LRRFIP1: variants seen among roughly 807,000 people sequenced by gnomAD.
LRRFIP1 encodes the protein leucine-rich repeat flightless-interacting protein 1.
In LRRFIP1, 62 loss-of-function variants were observed where a neutral mutation model predicts 104.4. That is an observed-to-expected ratio of 0.59 (90% CI 0.48 to 0.73). The LOEUF (loss-of-function observed/expected upper bound fraction) is 0.73, where lower values mean the gene tolerates loss of function less well. Ranked by LOEUF, LRRFIP1 falls within the 30% of genes least tolerant of loss-of-function variation. The probability of loss-of-function intolerance (pLI) is 0.00; values close to 1 mark genes in which losing one functional copy is unlikely to be tolerated. For missense variants in LRRFIP1, 796 were observed against 824.5 expected, an observed-to-expected ratio of 0.97 and a Z score of 0.42; for synonymous variants, 300 against 299.0, an observed-to-expected ratio of 1.00 and a Z score of -0.03.
intron 18 of LRRFIP1, among the ~76,000 whole-genome samples, chr2:237,759,195 T>G (rs1395465099): frequency 2.0e-5 from 3 of 152,176 alleles, no homozygotes; most frequent in Non-Finnish European, 2.9e-5. Context: ...GAACAGTGAC[T>G]TGGGTAAGTG....
intron 22 of LRRFIP1, 37 bp downstream of exon 22, chr2:237,772,982 A>G (rs763219177): frequency 7.8e-6 from 12 of 1,533,468 alleles, no homozygotes; most frequent in Non-Finnish European, 1.1e-5. Flanking sequence ...CTGATGATTG[A>G]CTGGAGTTTT....
chr2:237,750,362 GTT>G (rs2058464267), intron 13 of LRRFIP1, among the ~76,000 whole-genome samples: 1 of 77,082 alleles, frequency 1.3e-5, no homozygotes, highest in Non-Finnish European at 2.4e-5. Context: ...GGAGACAAGA[GTT>G]TTGCTTTTGT....
intron 8 of LRRFIP1, among the ~76,000 whole-genome samples, chr2:237,732,643 G>T (rs2095060961): frequency 6.6e-6 from 1 of 152,222 alleles, no homozygotes; most frequent in Middle Eastern, 3.2e-3. Flanking sequence ...TAAGGAAAAG[G>T]AGGGTTTTAT....
chr2:237,635,914 T>C (rs897429898), intron 1 of LRRFIP1, among the ~76,000 whole-genome samples: 5 of 152,038 alleles, frequency 3.3e-5, no homozygotes, highest in Non-Finnish European at 7.4e-5. Flanking sequence ...CTGGGCAACA[T>C]GGTGAAATCC....
In LRRFIP1 at chr2:237,758,732, T is replaced by C. The variant is rs1222459898; in HGVS notation, c.1228T>C (p.Leu410=). Residue 410 remains leucine, a synonymous_variant, in exon 18 of 24, where the codon TTA becomes CTA. Coordinates refer to ENST00000308482, the MANE Select transcript of LRRFIP1 (RefSeq NM_001137550.2). The part of the protein sequence containing the change: ...IEWKDKKIGA[L]ERQKEFFDSV... ...CTTGGCTCTGCTGCACACTCAGGCA[T>C]TAGAGAGGCAGAAAGAGTTCTTTGA... The C allele has an allele frequency of 6.2e-7, 1 of 1,609,010 alleles. No individual in the cohort carries two copies. The highest frequency in any genetic ancestry group is 1.7e-5 in the Admixed American group (1 of 59,690).
chr2:237,779,288 A>G (rs2061353071), intron 23 of LRRFIP1, 134 bp from the exon 24 acceptor site: 3 of 1,342,006 alleles, frequency 2.2e-6, no homozygotes, highest in Non-Finnish European at 2.9e-6. Context: ...CAGAGGAGGA[A>G]GGGCATCATG....
chr2:237,768,000 T>C (rs1380300908), intron 19 of LRRFIP1, among the ~76,000 whole-genome samples: 9 of 152,192 alleles, frequency 5.9e-5, no homozygotes, highest in Non-Finnish European at 2.9e-5. Flanking sequence ...CTGCCTCTCT[T>C]AAATATTTTT....
At position 237,744,310 on chromosome 2, in the gene LRRFIP1, C is replaced by T. The variant is rs1190953590; in HGVS notation, c.634-4054C>T. On this transcript the variant is annotated intron_variant, in intron 11 of 23. Transcript: ENST00000308482. ...GAAGGACCTCGCAAGGATGTTGCTT[C>T]GGTGATCCCTTTTTCCATCCAAGTC... is the stretch of plus-strand genomic sequence containing the variant. Among the ~76,000 whole-genome samples the T allele has an allele frequency of 2.0e-5, 3 of 152,196 alleles. No homozygotes were observed. In the East Asian group the frequency reaches 5.8e-4, roughly 29 times the overall value.
intron 1 of LRRFIP1, among the ~76,000 whole-genome samples, chr2:237,645,301 A>G (rs1342328514): frequency 1.3e-5 from 2 of 152,238 alleles, no homozygotes; most frequent in Non-Finnish European, 2.9e-5. Context: ...ACTTGAGAGC[A>G]GGGACTGGGA....
At chr2:237,641,750 T>G (rs2084012457) in intron 1 of LRRFIP1, among the ~76,000 whole-genome samples, 1 of 152,230 alleles carries the variant, frequency 6.6e-6, no homozygotes, top group Non-Finnish European at 1.5e-5. Flanking sequence ...TAAATATGAT[T>G]TTTAAAAATA....
At chr2:237,769,640 T>C (rs1004097584) in intron 19 of LRRFIP1, 1 of 341,730 alleles carries the variant, frequency 2.9e-6, no homozygotes, top group Non-Finnish European at 5.5e-6. Context: ...TGAGATCTTG[T>C]GTTGCAGCGT....
chr2:237,628,160 G>A (rs1342540435), intron 1 of LRRFIP1, among the ~76,000 whole-genome samples: 1 of 152,226 alleles, frequency 6.6e-6, no homozygotes, highest in Non-Finnish European at 1.5e-5. Flanking sequence ...GTGGACGGTC[G>A]CCGGAGGCCA....
At chr2:237,662,064 A>G (rs1265336822) in intron 1 of LRRFIP1, among the ~76,000 whole-genome samples, 4 of 152,160 alleles carry the variant, frequency 2.6e-5, no homozygotes, top group Non-Finnish European at 5.9e-5. Flanking sequence ...AAGTCGAGGT[A>G]TTGGGCCAGG....
At chr2:237,733,250 C>G (rs1401997787) in intron 8 of LRRFIP1, among the ~76,000 whole-genome samples, 1 of 152,234 alleles carries the variant, frequency 6.6e-6, no homozygotes, top group Non-Finnish European at 1.5e-5. Context: ...GACCGCGGCT[C>G]CTCTGGGGGT....
intron 1 of LRRFIP1, among the ~76,000 whole-genome samples, chr2:237,655,436 T>C (rs963279735): frequency 1.4e-5 from 2 of 145,514 alleles, no homozygotes; most frequent in East Asian, 4.3e-4. Context: ...TGGAAAGAAT[T>C]TGCATTTATA....
At chr2:237,692,549 C>A in intron 1 of LRRFIP1, 1 of 1,496,732 alleles carries the variant, frequency 6.7e-7, no homozygotes, top group Non-Finnish European at 9.0e-7. Context: ...CCGAAACTTT[C>A]TTTCGTGACT....
intron 1 of LRRFIP1, 76 bp from the exon 2 acceptor site, chr2:237,708,468 G>A (rs1055468367): frequency 3.5e-5 from 37 of 1,065,670 alleles, no homozygotes; most frequent in Admixed American, 1.1e-4. Context: ...TTTTCTTTCC[G>A]CATCATCACT....
At chr2:237,776,128 T>C (rs1001024684) in intron 23 of LRRFIP1, among the ~76,000 whole-genome samples, 16 of 152,078 alleles carry the variant, frequency 1.1e-4, no homozygotes, top group Admixed American at 2.0e-4. Flanking sequence ...GCCTGGCTAA[T>C]TTTTGTGTTT....
At chr2:237,692,575 G>A (rs2092883884) in intron 1 of LRRFIP1, 1 of 1,467,722 alleles carries the variant, frequency 6.8e-7, no homozygotes. Flanking sequence ...GGGGTTTCAG[G>A]GGCTTCCAGC....
Sources: allele counts gnomAD v4.1 joint callset (sites outside exome capture counted in the v4.1 genomes callset), GRCh38; gene constraint gnomAD v4.1.1; transcripts MANE v1.5; gene names NCBI Gene and HGNC (gene_info 2026-07-23, HGNC 2026-07-21).